The following NRXN3 variants were observed in gnomAD, a reference collection of about 807,000 sequenced individuals.
NRXN3 encodes the protein neurexin 3, also known as neurexin III.
NRXN3 carries 32 observed loss-of-function variants against 137.6 expected under a neutral mutation model. That is an observed-to-expected ratio of 0.23 (90% CI 0.18 to 0.31). The LOEUF is 0.31. NRXN3 is among the 10% of genes least tolerant of loss of function. The pLI is 1.00. For missense variants in NRXN3, 1,574 were observed against 2,062.5 expected (o/e 0.76, Z 4.59); for synonymous variants, 798 against 784.5 (o/e 1.02, Z -0.29).
chr14:79,375,691 A>G lies in NRXN3; in HGVS notation c.3263-91530A>G, dbSNP rs570742028. Among the ~76,000 whole-genome samples the G allele has an allele frequency of 2.0e-5, 3 of 152,240 alleles. No homozygotes were observed. The East Asian group carries it at 5.8e-4, about 29-fold the overall frequency. The stretch of plus-strand genomic sequence containing the variant: ...ATTAGATTAGTTTTCACACAGCCCC[A>G]TTTTAACCACTAAATTTAAATCCCT... On this transcript the variant is annotated intron_variant, in intron 15 of 20. Coordinates refer to ENST00000335750, the MANE Select transcript of NRXN3 (RefSeq NM_001330195.2).
intron 4 of NRXN3, among the ~76,000 whole-genome samples, chr14:78,403,065 A>G (rs2092221927): frequency 6.6e-6 from 1 of 152,138 alleles, no homozygotes; most frequent in Admixed American, 6.6e-5. Flanking sequence ...TCAATCCAAA[A>G]TATCTTTGAG....
chr14:79,415,187 T>C (rs2095478775), intron 15 of NRXN3, among the ~76,000 whole-genome samples: 1 of 152,168 alleles, frequency 6.6e-6, no homozygotes, highest in Non-Finnish European at 1.5e-5. Context: ...AATGCTGCAA[T>C]GAATGTAAGA....
At chr14:78,418,868 G>C (rs2093293173) in intron 4 of NRXN3, among the ~76,000 whole-genome samples, 1 of 152,196 alleles carries the variant, frequency 6.6e-6, no homozygotes, top group South Asian at 2.1e-4. Context: ...TACAGATGAG[G>C]CACAGAGAGG....
chr14:78,448,941 C>T (rs575759444), intron 4 of NRXN3, among the ~76,000 whole-genome samples: 250 of 152,318 alleles, frequency 1.6e-3, no homozygotes, highest in African/African-American at 5.7e-3. Context: ...TCTCTCAGTT[C>T]CTGCGTAAGT....
intron 15 of NRXN3, among the ~76,000 whole-genome samples, chr14:79,377,494 C>T (rs1274843823): frequency 6.6e-6 from 1 of 152,136 alleles, no homozygotes; most frequent in Non-Finnish European, 1.5e-5. Flanking sequence ...TGGCTCATGC[C>T]TGTAATCCTA....
intron 15 of NRXN3, among the ~76,000 whole-genome samples, chr14:79,173,530 CA>C (rs57188919): frequency 0.43 from 38,695 of 90,648 alleles, 5,476 homozygotes; most frequent in East Asian, 0.56. Flanking sequence ...GACCTTGTCT[CA>C]AAAAAAAAAA....
chr14:78,220,453 A>G (rs1040182668), intron 1 of NRXN3, among the ~76,000 whole-genome samples: 3 of 152,108 alleles, frequency 2.0e-5, no homozygotes, highest in Non-Finnish European at 4.4e-5. Flanking sequence ...CTGGTTTGGT[A>G]TTTTGGAAGC....
At chr14:78,597,182 A>C (rs1226331451) in intron 4 of NRXN3, among the ~76,000 whole-genome samples, 1 of 152,216 alleles carries the variant, frequency 6.6e-6, no homozygotes, top group African/African-American at 2.4e-5. Context: ...GAGAAGCTGG[A>C]ATAAATGCAG....
intron 15 of NRXN3, among the ~76,000 whole-genome samples, chr14:79,090,870 A>G (rs1174050605): frequency 1.3e-5 from 2 of 152,122 alleles, no homozygotes; most frequent in Non-Finnish European, 2.9e-5. Flanking sequence ...ATTTCCCAGC[A>G]TTTACAGCCT....
chr14:79,552,830 C>T (rs1350788052), intron 16 of NRXN3, among the ~76,000 whole-genome samples: 2 of 152,024 alleles, frequency 1.3e-5, no homozygotes, highest in Non-Finnish European at 2.9e-5. Flanking sequence ...GGTAATGGCC[C>T]TTAGAAGAAT....
chr14:79,275,740 G>T (rs966760138), intron 15 of NRXN3, among the ~76,000 whole-genome samples: 2 of 150,944 alleles, frequency 1.3e-5, no homozygotes, highest in African/African-American at 4.9e-5. Flanking sequence ...ATGGGGGGGG[G>T]GACATTTAAA....
chr14:79,245,861 A>C (rs1166590696), intron 15 of NRXN3, among the ~76,000 whole-genome samples: 1 of 152,140 alleles, frequency 6.6e-6, no homozygotes. Flanking sequence ...AACACACATA[A>C]ATTGTTTTTA....
chr14:79,559,184 A>C (rs989550934), intron 16 of NRXN3, among the ~76,000 whole-genome samples: 4 of 152,124 alleles, frequency 2.6e-5, no homozygotes, highest in Admixed American at 6.6e-5. Flanking sequence ...CTAGAGTAGG[A>C]CTTTCACTTT....
chr14:79,400,308 T>C (rs2167152), intron 15 of NRXN3, among the ~76,000 whole-genome samples: 105,983 of 151,864 alleles, frequency 0.7, 37,318 homozygotes, highest in Middle Eastern at 0.84. Context: ...TACGTAGGCA[T>C]AGGTCCGACC....
chr14:79,046,188 C>T lies in NRXN3; in HGVS notation c.3262+58047C>T, dbSNP rs548214023. On this transcript the variant is annotated intron_variant, in intron 15 of 20. Coordinates refer to ENST00000335750, the MANE Select transcript of NRXN3 (RefSeq NM_001330195.2). ...CATTTCTGAAAGCTTCCTTCCCCTC[C>T]TCTTTCCCCTCCCCTCCTCTCCTTT... Among the ~76,000 whole-genome samples the T allele has an allele frequency of 1.4e-4, 21 of 152,288 alleles. No individual in the cohort carries two copies. In the South Asian group the frequency reaches 3.7e-3, roughly 27 times the overall value.
chr14:79,551,577 T>G (rs2153749038), intron 16 of NRXN3, among the ~76,000 whole-genome samples: 1 of 152,310 alleles, frequency 6.6e-6, no homozygotes, highest in Admixed American at 6.5e-5. Flanking sequence ...TTATGTTTTC[T>G]TCGTCAAGAG....
In NRXN3 at chr14:78,429,483, A is replaced by G. The variant is rs576730182; in HGVS notation, c.757+131623A>G. Among the ~76,000 whole-genome samples, 3 of 152,354 alleles carry G rather than the reference A, an allele frequency of 2.0e-5. No homozygotes were observed. In the East Asian group the frequency reaches 5.8e-4, roughly 29 times the overall value. The stretch of plus-strand genomic sequence containing the variant: ...CCTACTCTAGTTGCCAAAACTTATT[A>G]ATCAATGTGATGAATCCGCATCATA... On this transcript the variant is annotated intron_variant, in intron 4 of 20. Transcript: ENST00000335750.
chr14:78,251,548 A>G (rs76505792), intron 2 of NRXN3, among the ~76,000 whole-genome samples: 1,579 of 152,248 alleles, frequency 0.01, 32 homozygotes, highest in African/African-American at 0.036. Flanking sequence ...CTCTGGGTGT[A>G]TGTGTGATTT....
chr14:78,465,225 G>A (rs1309840376), intron 4 of NRXN3, among the ~76,000 whole-genome samples: 2 of 151,768 alleles, frequency 1.3e-5, no homozygotes, highest in Admixed American at 6.6e-5. Context: ...AAAGGGTTAC[G>A]GAGAAGGACA....
Sources: allele counts gnomAD v4.1 joint callset (sites outside exome capture counted in the v4.1 genomes callset), GRCh38; gene constraint gnomAD v4.1.1; transcripts MANE v1.5; gene names NCBI Gene and HGNC (gene_info 2026-07-23, HGNC 2026-07-21).